The following RAB28 variants were observed in gnomAD, a reference collection of about 807,000 sequenced individuals.
RAB28 encodes the protein ras-related protein Rab-28.
In RAB28, 24 loss-of-function variants were observed where a neutral mutation model predicts 31.7. The ratio of observed to expected loss-of-function variants is 0.76; its 90% CI spans 0.55 to 1.06. The LOEUF (loss-of-function observed/expected upper bound fraction) is 1.06. Ranked by LOEUF, RAB28 falls within the 50% of genes least tolerant of loss-of-function variation. The pLI, the probability that RAB28 is intolerant of heterozygous loss-of-function variation, is 0.00. For synonymous variants in RAB28, 100 were observed against 90.4 expected (o/e 1.11, Z -0.60); for missense variants, 254 against 258.5 (o/e 0.98, Z 0.12).
At chr4:13,444,130 C>T (rs1427258985) in intron 4 of RAB28, among the ~76,000 whole-genome samples, 1 of 151,692 alleles carries the variant, frequency 6.6e-6, no homozygotes, top group Non-Finnish European at 1.5e-5. Context: ...CGGGTTCACG[C>T]CATTCTCCTG....
intron 4 of RAB28, among the ~76,000 whole-genome samples, chr4:13,407,575 T>A (rs374915147): frequency 1.3e-5 from 2 of 152,336 alleles, no homozygotes; most frequent in South Asian, 2.1e-4. Flanking sequence ...GGGGATGGCA[T>A]TGAATCTATA....
intron 6 of RAB28, among the ~76,000 whole-genome samples, chr4:13,375,068 C>T (rs1161453429): frequency 6.6e-6 from 1 of 152,118 alleles, no homozygotes; most frequent in Non-Finnish European, 1.5e-5. Flanking sequence ...CCACTCCAAA[C>T]TGCCCAGTAC....
intron 4 of RAB28, among the ~76,000 whole-genome samples, chr4:13,422,519 C>T (rs1713222937): frequency 6.6e-6 from 1 of 152,006 alleles, no homozygotes; most frequent in Non-Finnish European, 1.5e-5. Flanking sequence ...CAATGATAGA[C>T]CAGATTAAGA....
chr4:13,371,388 G>A (rs1728706159), intron 6 of RAB28: 2 of 985,218 alleles, frequency 2.0e-6, no homozygotes, highest in African/African-American at 1.7e-5. Flanking sequence ...ATGAAGAGAT[G>A]GGATTTTCAT....
chr4:13,388,024 C>T (rs1030822935), intron 4 of RAB28, among the ~76,000 whole-genome samples: 1 of 151,880 alleles, frequency 6.6e-6, no homozygotes, highest in African/African-American at 2.4e-5. Flanking sequence ...CAATTTTCAC[C>T]CATCACTATC....
rs1179374127 is a variant in RAB28 at position 13,370,436 on chromosome 4, C to T, written c.574-1786G>A. The T allele has an allele frequency of 1.0e-5, 8 of 785,084 alleles. No individual in the cohort carries two copies. In the South Asian group the frequency reaches 1.7e-4, roughly 17 times the overall value. The allele number at this position is 785,084 out of a possible 1,614,324, so 48.6% of individuals were successfully genotyped here. ...TCACTCTATACTGTGAAAGTATGGGCGACTTACACAGAATCTATTCACAAG... is the reference window on the plus strand; with the variant it reads ...TCACTCTATACTGTGAAAGTATGGGTGACTTACACAGAATCTATTCACAAG... On this transcript the variant is annotated intron_variant, in intron 6 of 6. Coordinates refer to ENST00000330852, the MANE Select transcript of RAB28 (RefSeq NM_001017979.3).
intron 4 of RAB28, among the ~76,000 whole-genome samples, chr4:13,442,663 T>C (rs1409231607): frequency 6.6e-6 from 1 of 152,056 alleles, no homozygotes; most frequent in Non-Finnish European, 1.5e-5. Flanking sequence ...CCTCCTCCCA[T>C]TACCCATAAG....
chr4:13,472,976 A>C (rs915455996), intron 3 of RAB28, among the ~76,000 whole-genome samples: 1 of 152,008 alleles, frequency 6.6e-6, no homozygotes, highest in Non-Finnish European at 1.5e-5. Context: ...TTTGCAGGAG[A>C]CTAAGAACAA....
At chr4:13,405,439 A>T (rs566171097) in intron 4 of RAB28, among the ~76,000 whole-genome samples, 76 of 152,322 alleles carry the variant, frequency 5.0e-4, no homozygotes, top group African/African-American at 1.7e-3. Flanking sequence ...ATATACTTGA[A>T]AACTACAGTT....
chr4:13,478,369 T>C (rs1716460120), intron 2 of RAB28, among the ~76,000 whole-genome samples: 1 of 151,580 alleles, frequency 6.6e-6, no homozygotes, highest in Non-Finnish European at 1.5e-5. Flanking sequence ...AATCTATTTT[T>C]CACTGGTAGC....
intron 4 of RAB28, among the ~76,000 whole-genome samples, chr4:13,405,562 G>C (rs1033664259): frequency 1.3e-5 from 2 of 152,030 alleles, no homozygotes; most frequent in Non-Finnish European, 2.9e-5. Context: ...CAGAAAACTT[G>C]ACAAGCGTCT....
At chr4:13,398,448 T>C (rs572493683) in intron 4 of RAB28, among the ~76,000 whole-genome samples, 2 of 152,232 alleles carry the variant, frequency 1.3e-5, no homozygotes, top group South Asian at 4.2e-4. Context: ...ACCCAGACAC[T>C]AGCATACCCT....
At chr4:13,372,416 T>C (rs1728752248) in intron 6 of RAB28, among the ~76,000 whole-genome samples, 1 of 152,098 alleles carries the variant, frequency 6.6e-6, no homozygotes, top group Non-Finnish European at 1.5e-5. Context: ...GGCAAGTTAT[T>C]TCATGTCTTC....
chr4:13,430,295 A>G (rs557293875), intron 4 of RAB28, among the ~76,000 whole-genome samples: 26 of 152,316 alleles, frequency 1.7e-4, no homozygotes, highest in Admixed American at 5.2e-4. Context: ...GACACATTCC[A>G]AAAGGAAAAC....
intron 4 of RAB28, among the ~76,000 whole-genome samples, chr4:13,414,703 T>C (rs1001716075): frequency 6.6e-6 from 1 of 152,218 alleles, no homozygotes; most frequent in East Asian, 1.9e-4. Context: ...AAACATTAAA[T>C]TGTATCTAGC....
chr4:13,428,851 T>C (rs1227933627), intron 4 of RAB28, among the ~76,000 whole-genome samples: 1 of 150,698 alleles, frequency 6.6e-6, no homozygotes, highest in Admixed American at 6.6e-5. Context: ...ACATATATCA[T>C]AATAACACTG....
At chr4:13,455,810 A>G (rs1715272590) in intron 4 of RAB28, among the ~76,000 whole-genome samples, 1 of 152,194 alleles carries the variant, frequency 6.6e-6, no homozygotes, top group South Asian at 2.1e-4. Context: ...TTTTCCCCAC[A>G]AGGGGAAGTC....
intron 4 of RAB28, 80 bp downstream of exon 4, chr4:13,460,619 G>C (rs1715543929): frequency 6.5e-7 from 1 of 1,544,828 alleles, no homozygotes; most frequent in Admixed American, 1.8e-5. Flanking sequence ...ATATAAATTG[G>C]GGGTGGTGGG....
intron 1 of RAB28, among the ~76,000 whole-genome samples, chr4:13,481,368 G>C (rs1239783581): frequency 4.6e-5 from 7 of 152,038 alleles, no homozygotes; most frequent in Non-Finnish European, 8.8e-5. Flanking sequence ...AACTGAATCA[G>C]TGGGGGTCAC....
Sources: allele counts gnomAD v4.1 joint callset (sites outside exome capture counted in the v4.1 genomes callset), GRCh38; gene constraint gnomAD v4.1.1; transcripts MANE v1.5; gene names NCBI Gene and HGNC (gene_info 2026-07-23, HGNC 2026-07-21).